The following ALDH1A1 variants were observed in gnomAD, a reference collection of about 807,000 sequenced individuals.
The protein encoded by ALDH1A1 is aldehyde dehydrogenase 1A1.
A neutral mutation model predicts 62.1 loss-of-function variants in ALDH1A1; 19 were observed. The ratio of observed to expected loss-of-function variants is 0.31; its 90% confidence interval spans 0.21 to 0.45. ALDH1A1 has a LOEUF of 0.45. ALDH1A1 is among the 20% of genes least tolerant of loss of function. The probability of loss-of-function intolerance (pLI) is 1.00; values close to 1 mark genes in which losing one functional copy is unlikely to be tolerated. For missense variants in ALDH1A1, 521 were observed against 607.1 expected, an observed-to-expected ratio of 0.86 and a Z score of 1.49; for synonymous variants, 231 against 215.9, an observed-to-expected ratio of 1.07 and a Z score of -0.61.
chr9:72,938,149 G>C (rs75698873), intron 2 of ALDH1A1, among the ~76,000 whole-genome samples: 2 of 152,126 alleles, frequency 1.3e-5, no homozygotes, highest in African/African-American at 4.8e-5. Context: ...GCAGGAACAT[G>C]TGATCGCTAT....
chr9:72,942,500 CT>C (rs957349882), intron 1 of ALDH1A1, among the ~76,000 whole-genome samples: 21 of 152,150 alleles, frequency 1.4e-4, no homozygotes, highest in Non-Finnish European at 2.4e-4. Context: ...TCTTTGCCCC[CT>C]ACCTCTGCCT....
intron 1 of ALDH1A1, among the ~76,000 whole-genome samples, chr9:72,951,186 A>G (rs1350398744): frequency 1.3e-5 from 2 of 151,962 alleles, no homozygotes; most frequent in African/African-American, 2.4e-5. Context: ...CACTTAGGTC[A>G]GTCACTTTCC....
At position 72,929,044 on chromosome 9, in the gene ALDH1A1, A is replaced by T. The variant is rs1333457852; in HGVS notation, c.313-23T>A. The T allele has an allele frequency of 3.2e-6, 5 of 1,545,602 alleles. No homozygotes were observed. In the South Asian group the frequency reaches 5.8e-5, roughly 18 times the overall value. On this transcript the variant is annotated intron_variant, in intron 3 of 12. Transcript: ENST00000297785. ...TGTCTGAAAAACATGTCAAACACCA[A>T]ATCTAAAATTCCATAAGTTTTAGAT...
chr9:72,914,223 A>G (rs1357702019), intron 9 of ALDH1A1, among the ~76,000 whole-genome samples: 4 of 152,210 alleles, frequency 2.6e-5, no homozygotes, highest in Non-Finnish European at 5.9e-5. Flanking sequence ...AAGCACTTAC[A>G]TGTTCTCAAA....
chr9:72,906,836 C>T (rs1158836107), intron 11 of ALDH1A1, among the ~76,000 whole-genome samples: 1 of 152,090 alleles, frequency 6.6e-6, no homozygotes, highest in Non-Finnish European at 1.5e-5. Flanking sequence ...ACTTTTCTCT[C>T]CCTTCATGCT....
intron 7 of ALDH1A1, among the ~76,000 whole-genome samples, chr9:72,921,961 A>C (rs1232968074): frequency 1.3e-5 from 2 of 152,072 alleles, no homozygotes; most frequent in African/African-American, 2.4e-5. Flanking sequence ...GCAAGTTTAG[A>C]GTAGGTTATG....
intron 1 of ALDH1A1, among the ~76,000 whole-genome samples, chr9:72,947,859 T>A (rs1325344137): frequency 6.6e-6 from 1 of 151,956 alleles, no homozygotes; most frequent in African/African-American, 2.4e-5. Flanking sequence ...TGGTTAATGA[T>A]GCACCTCAAA....
intron 9 of ALDH1A1, among the ~76,000 whole-genome samples, chr9:72,913,067 T>C (rs1182838816): frequency 6.6e-6 from 1 of 152,136 alleles, no homozygotes; most frequent in African/African-American, 2.4e-5. Flanking sequence ...GTGGAAGCTC[T>C]TGTAGGTTTA....
chr9:72,942,154 C>A lies in ALDH1A1; in HGVS notation c.67-1902G>T, dbSNP rs911077744. 2.0e-5 allele frequency among the ~76,000 whole-genome samples: 3 copies of A among 152,150 alleles called. No homozygotes were observed. In the East Asian group the frequency reaches 5.8e-4, roughly 29 times the overall value. Reference sequence around the variant, plus strand: ...ACGAAAGTGCTGATTTGCCCAATGTCTCTTAGAGTGAATCAACACTCTAGC... The same window carrying A: ...ACGAAAGTGCTGATTTGCCCAATGTATCTTAGAGTGAATCAACACTCTAGC... On this transcript the variant is annotated intron_variant, in intron 1 of 12. Coordinates refer to ENST00000297785, the MANE Select transcript of ALDH1A1 (RefSeq NM_000689.5).
chr9:72,914,437 T>C (rs1333939438), intron 9 of ALDH1A1, among the ~76,000 whole-genome samples: 1 of 152,132 alleles, frequency 6.6e-6, no homozygotes, highest in Non-Finnish European at 1.5e-5. Context: ...AAGATTGAGG[T>C]TTCTATGCAC....
intron 3 of ALDH1A1, 135 bp downstream of exon 3, chr9:72,930,744 T>C: frequency 1.0e-6 from 1 of 969,532 alleles, no homozygotes; most frequent in East Asian, 2.4e-5. Context: ...AGGGGCCTAT[T>C]CATTGGGACA....
rs931609412 is a variant in ALDH1A1 at position 72,914,621 on chromosome 9, A to T, written c.1035+2299T>A. Among the ~76,000 whole-genome samples the T allele has an allele frequency of 4.6e-5, 7 of 152,184 alleles. No homozygotes were observed. The South Asian group carries it at 1.5e-3, about 32-fold the overall frequency. ...ATTTCTGTTTCAAATGAAAATACTA[A>T]TTTTTCCAAGTTTAAGACAATATAT... On this transcript the variant is annotated intron_variant, in intron 9 of 12. Transcript: ENST00000297785.
At chr9:72,901,467 C>T (rs1829802562) in intron 12 of ALDH1A1, among the ~76,000 whole-genome samples, 187 bp from the exon 13 acceptor site, 1 of 152,062 alleles carries the variant, frequency 6.6e-6, no homozygotes, top group Non-Finnish European at 1.5e-5. Context: ...CACAGATTCC[C>T]TTGTGGGGAA....
intron 1 of ALDH1A1, among the ~76,000 whole-genome samples, chr9:72,945,840 G>T (rs1486991043): frequency 6.6e-6 from 1 of 151,908 alleles, no homozygotes; most frequent in Non-Finnish European, 1.5e-5. Flanking sequence ...CAAAGGGAAA[G>T]AAAATTTTTA....
chr9:72,949,105 T>C (rs757882152), intron 1 of ALDH1A1, among the ~76,000 whole-genome samples: 4 of 151,918 alleles, frequency 2.6e-5, no homozygotes, highest in South Asian at 2.1e-4. Context: ...ATCGATTCCA[T>C]AGGAGTTGAA....
intron 9 of ALDH1A1, among the ~76,000 whole-genome samples, chr9:72,914,017 T>G (rs1830026618): frequency 6.6e-6 from 1 of 152,322 alleles, no homozygotes; most frequent in East Asian, 1.9e-4. Context: ...TCTGGACACC[T>G]GGGACTGTCC....
chr9:72,905,965 T>C lies in ALDH1A1; in HGVS notation c.1426A>G (p.Arg476Gly). 1 of 1,608,200 alleles carries C rather than the reference T, an allele frequency of 6.2e-7. No individual in the cohort carries two copies. Among genetic ancestry groups the C allele is most frequent in the Non-Finnish European group, 8.5e-7 (1 of 1,175,690 alleles). Residue 476 changes from arginine (R) to glycine (G), a missense_variant, in exon 12 of 13, where the codon AGA (arginine) becomes GGA (glycine). Coordinates refer to ENST00000297785, the MANE Select transcript of ALDH1A1 (RefSeq NM_000689.5). ...FGGFKMSGNG[R>G]ELGEYGFHEY... The stretch of plus-strand genomic sequence containing the variant: ...ATAGAACGTTAATCTTACAGTTCTC[T>C]TCCATTTCCAGACATCTTGAATCCA...
chr9:72,912,056 G>C lies in ALDH1A1; in HGVS notation c.1102C>G (p.Leu368Val), dbSNP rs747487020. 1 of 1,613,756 alleles carries C rather than the reference G, an allele frequency of 6.2e-7. No homozygotes were observed. The highest frequency in any genetic ancestry group is 8.5e-7 in the Non-Finnish European group (1 of 1,179,802). Residue 368 changes from leucine (L) to valine (V), a missense_variant, in exon 10 of 13, where the codon CTG becomes GTG. Transcript: ENST00000297785. ...CCCCACGGGCCTCCTCCACATTCCA[G>C]TTTGGCCCCTTCTTTCTTCCCACTC... ...IESGKKEGAK[L>V]ECGGGPWGNK...
At chr9:72,921,242 A>C (rs1485724468) in intron 7 of ALDH1A1, among the ~76,000 whole-genome samples, 1 of 140,356 alleles carries the variant, frequency 7.1e-6, no homozygotes, top group Non-Finnish European at 1.5e-5. Context: ...ACTCCTCTCA[A>C]AAAAAAAAAA....
Sources: allele counts gnomAD v4.1 joint callset (sites outside exome capture counted in the v4.1 genomes callset), GRCh38; gene constraint gnomAD v4.1.1; transcripts MANE v1.5; gene names NCBI Gene and HGNC (gene_info 2026-07-23, HGNC 2026-07-21).